RHOBTB1: variants seen among roughly 807,000 people sequenced by gnomAD.
The protein encoded by RHOBTB1 is Rho related BTB domain containing 1.
Under a neutral mutation model 71.6 loss-of-function variants are expected in RHOBTB1, and 40 were observed. The observed-to-expected ratio is 0.56, with a 90% CI of 0.43 to 0.73. The LOEUF (loss-of-function observed/expected upper bound fraction) is 0.73. RHOBTB1 is among the 30% of genes least tolerant of loss of function. The probability of loss-of-function intolerance (pLI) is 0.00; values close to 1 mark genes in which losing one functional copy is unlikely to be tolerated. For synonymous variants in RHOBTB1, 319 were observed against 334.9 expected, an observed-to-expected ratio of 0.95 and a Z score of 0.52; for missense variants, 797 against 894.0, an observed-to-expected ratio of 0.89 and a Z score of 1.38.
At chr10:60,991,300 T>G (rs549663786) in intron 1 of RHOBTB1, among the ~76,000 whole-genome samples, 1 of 152,138 alleles carries the variant, frequency 6.6e-6, no homozygotes, top group Non-Finnish European at 1.5e-5. Context: ...ATCTTCTCAC[T>G]GGTCCTAGGA....
At chr10:60,891,754 A>C (rs1479905713) in intron 5 of RHOBTB1, among the ~76,000 whole-genome samples, 1 of 152,146 alleles carries the variant, frequency 6.6e-6, no homozygotes, top group Non-Finnish European at 1.5e-5. Context: ...AGGGGATTTG[A>C]GGGAACTGAC....
chr10:60,924,424 T>C (rs1254042385), intron 2 of RHOBTB1, among the ~76,000 whole-genome samples: 1 of 152,174 alleles, frequency 6.6e-6, no homozygotes, highest in Non-Finnish European at 1.5e-5. Flanking sequence ...AAGGTCATTA[T>C]ATAATGACAA....
At chr10:60,972,548 T>C (rs938764790) in intron 2 of RHOBTB1, among the ~76,000 whole-genome samples, 4 of 151,890 alleles carry the variant, frequency 2.6e-5, no homozygotes, top group Admixed American at 1.3e-4. Context: ...CATGGGGGGC[T>C]AGAAGAGGGA....
intron 2 of RHOBTB1, among the ~76,000 whole-genome samples, chr10:60,955,796 G>T (rs1386394591): frequency 1.3e-5 from 2 of 152,168 alleles, no homozygotes; most frequent in African/African-American, 2.4e-5. Context: ...CTTGTTTACA[G>T]CTTGAAAAAC....
chr10:60,894,620 T>C (rs1369236166), intron 4 of RHOBTB1, among the ~76,000 whole-genome samples: 1 of 152,186 alleles, frequency 6.6e-6, no homozygotes, highest in Non-Finnish European at 1.5e-5. Context: ...TTCATAATCA[T>C]ATTTATATCA....
intron 1 of RHOBTB1, among the ~76,000 whole-genome samples, chr10:60,998,418 G>C (rs567278517): frequency 6.6e-6 from 1 of 152,258 alleles, no homozygotes; most frequent in East Asian, 1.9e-4. Context: ...CATTCTGATG[G>C]GGAAGTAAGG....
chr10:60,998,319 A>T (rs1342228690), intron 1 of RHOBTB1, among the ~76,000 whole-genome samples: 1 of 152,242 alleles, frequency 6.6e-6, no homozygotes, highest in Non-Finnish European at 1.5e-5. Flanking sequence ...TTACAGACCA[A>T]CAACTATGTG....
At position 60,886,176 on chromosome 10, in the gene RHOBTB1, A is replaced by G; in HGVS notation, c.1511T>C (p.Ile504Thr). The change falls in exon 7 of 11, where the codon ATC (isoleucine) becomes ACC (threonine). Residue 504 changes from isoleucine to threonine, a missense_variant. This residue lies in a region of RHOBTB1 where 658 missense variants were observed against 681.5 expected (regional missense o/e 0.97). Coordinates refer to ENST00000337910, the MANE Select transcript of RHOBTB1 (RefSeq NM_014836.5). ...GAISAHKPLL[I>T]CSCEWMAAMF... ...GGCTGCCATCCACTCACAGCTACAG[A>G]TCAGCAGCGGCTTGTGGGCACTGAT... 1 of 1,614,098 alleles carries G rather than the reference A, an allele frequency of 6.2e-7. No homozygotes were observed. Among genetic ancestry groups the G allele is most frequent in the African/African-American group, 1.3e-5 (1 of 75,046 alleles).
rs772549110 is a variant in RHOBTB1 at position 60,878,032 on chromosome 10, T to C, written c.1602A>G (p.Ile534Met). Residue 534 changes from isoleucine to methionine, a missense_variant, in exon 8 of 11, where the codon ATA becomes ATG. Physicochemically the swap from Ile to Met is conservative, Grantham distance 10 (BLOSUM62 1). Transcript: ENST00000337910. The stretch of plus-strand genomic sequence containing the variant: ...GATAATCCAATACTGCTTGCATTGA[T>C]ATCTTGTTTATGTTCGGGAGATACA... The part of the protein sequence containing the change: ...SEVYLPNINK[I>M]SMQAVLDYLY... 9.3e-6 allele frequency: 15 copies of C among 1,612,230 alleles called. No individual in the cohort carries two copies. Among genetic ancestry groups the C allele is most frequent in the Non-Finnish European group, 1.3e-5 (15 of 1,179,346 alleles).
chr10:60,904,555 T>C (rs931494679), intron 4 of RHOBTB1, among the ~76,000 whole-genome samples: 6 of 152,186 alleles, frequency 3.9e-5, no homozygotes, highest in African/African-American at 1.4e-4. Context: ...CGTCCCTTAC[T>C]CAAAAGCTCT....
At chr10:60,921,524 T>C (rs748157818) in intron 2 of RHOBTB1, among the ~76,000 whole-genome samples, 17 of 152,252 alleles carry the variant, frequency 1.1e-4, no homozygotes, top group African/African-American at 4.1e-4. Flanking sequence ...CTGATTATTA[T>C]GTTTATATGC....
At position 60,959,523 on chromosome 10, in the gene RHOBTB1, T is replaced by C. The variant is rs537716199; in HGVS notation, c.-61-17669A>G. Among the ~76,000 whole-genome samples, 643 of 152,312 alleles carry C rather than the reference T, an allele frequency of 4.2e-3. 1 individual carries two copies. The highest frequency in any genetic ancestry group is 7.1e-3 in the Non-Finnish European group (481 of 68,028). On this transcript the variant is annotated intron_variant, in intron 2 of 11. Coordinates refer to the RHOBTB1 transcript ENST00000357917. ...TCACAGGCAGCAGTGCTAGTGGATGTTGCTCACATGTCTCTGAGCCTGGCT... is the reference window on the plus strand; with the variant it reads ...TCACAGGCAGCAGTGCTAGTGGATGCTGCTCACATGTCTCTGAGCCTGGCT...
chr10:60,923,521 T>C (rs1288545986), intron 2 of RHOBTB1, among the ~76,000 whole-genome samples: 1 of 152,180 alleles, frequency 6.6e-6, no homozygotes, highest in Non-Finnish European at 1.5e-5. Context: ...TCTCTCTAAA[T>C]ACAGAAGTAA....
chr10:60,963,427 C>A lies in RHOBTB1; in HGVS notation c.-61-21573G>T, dbSNP rs929362643. 2.6e-5 allele frequency among the ~76,000 whole-genome samples: 4 copies of A among 152,220 alleles called. No individual in the cohort carries two copies. In the East Asian group the frequency reaches 5.8e-4, roughly 22 times the overall value. ...AGAAGAGGCTTTTAGGGCAACCCTG[C>A]AAAAAGGCTCCTTTGAAAGTTGCAC... is the stretch of plus-strand genomic sequence containing the variant. On this transcript the variant is annotated intron_variant, in intron 2 of 11. Transcript: ENST00000357917.
In RHOBTB1 at chr10:60,982,292, T is replaced by C. The variant is rs187999498; in HGVS notation, c.-62+3553A>G. On this transcript the variant is annotated intron_variant, in intron 2 of 11. Coordinates refer to the RHOBTB1 transcript ENST00000357917. ...CTTAGCAGATAGGCCTGACTAACTGTACTGGGATGGGCTTGCTGAACTGTT... is the reference window on the plus strand; with the variant it reads ...CTTAGCAGATAGGCCTGACTAACTGCACTGGGATGGGCTTGCTGAACTGTT... Among the ~76,000 whole-genome samples the C allele has an allele frequency of 4.1e-3, 624 of 152,242 alleles. 1 individual carries two copies. The highest frequency in any genetic ancestry group is 6.8e-3 in the Non-Finnish European group (462 of 68,002).
At chr10:60,967,433 C>T (rs1361194047) in intron 2 of RHOBTB1, among the ~76,000 whole-genome samples, 1 of 151,864 alleles carries the variant, frequency 6.6e-6, no homozygotes, top group Non-Finnish European at 1.5e-5. Context: ...GCTGGGATTA[C>T]AGGTGTGAGC....
intron 2 of RHOBTB1, among the ~76,000 whole-genome samples, chr10:60,984,486 A>G (rs2086599773): frequency 6.6e-6 from 1 of 152,218 alleles, no homozygotes; most frequent in Admixed American, 6.5e-5. Flanking sequence ...TATGAAACGT[A>G]GGGCTTGAGA....
At chr10:60,889,239 G>GT (rs1278459078) in intron 5 of RHOBTB1, 54 bp from the exon 6 acceptor site, 2 of 1,513,672 alleles carry the variant, frequency 1.3e-6, no homozygotes, top group African/African-American at 2.8e-5. Context: ...GAAAAAAACA[G>GT]TAACAAGGGC....
intron 2 of RHOBTB1, among the ~76,000 whole-genome samples, chr10:60,917,620 T>C (rs1421633928): frequency 1.3e-5 from 2 of 152,116 alleles, no homozygotes; most frequent in Admixed American, 1.3e-4. Flanking sequence ...AGGGCACTAA[T>C]CTCATCATGG....
Sources: allele counts gnomAD v4.1 joint callset (sites outside exome capture counted in the v4.1 genomes callset), GRCh38; gene constraint gnomAD v4.1.1; regional missense constraint gnomAD v4.1.1; transcripts MANE v1.5; gene names NCBI Gene and HGNC (gene_info 2026-07-23, HGNC 2026-07-21).